The following SLC4A10 variants were observed in gnomAD, a reference collection of about 807,000 sequenced individuals.
SLC4A10 encodes the protein sodium-driven chloride bicarbonate exchanger.
Under a neutral mutation model 137.7 loss-of-function variants are expected in SLC4A10, and 42 were observed. The observed-to-expected ratio is 0.30, with a 90% CI of 0.24 to 0.39. The LOEUF (loss-of-function observed/expected upper bound fraction) is 0.39. SLC4A10 is among the 10% of genes least tolerant of loss of function. SLC4A10 has a pLI of 1.00. For missense variants in SLC4A10, 925 were observed against 1,355.0 expected (o/e 0.68, Z 4.98); for synonymous variants, 474 against 464.1 (o/e 1.02, Z -0.27).
intron 1 of SLC4A10, among the ~76,000 whole-genome samples, chr2:161,697,035 T>C (rs1438806577): frequency 8.5e-5 from 13 of 152,368 alleles, no homozygotes; most frequent in Non-Finnish European, 1.6e-4. Context: ...GTGGTTTTGA[T>C]GTGCATTTCT....
chr2:161,695,040 T>A lies in SLC4A10; in HGVS notation c.48+70474T>A, dbSNP rs572288674. ...TGAAATTGTAACTAAGCAAAAATAT[T>A]TGTATATGTAAATATGATGTAGTAA... On this transcript the variant is annotated intron_variant, in intron 1 of 26. Transcript: ENST00000446997. 2.6e-5 allele frequency among the ~76,000 whole-genome samples: 4 copies of A among 152,146 alleles called. No homozygotes were observed. The South Asian group carries it at 8.3e-4, about 32-fold the overall frequency.
At chr2:161,942,067 A>G (rs576586214) in intron 15 of SLC4A10, among the ~76,000 whole-genome samples, 9 of 152,306 alleles carry the variant, frequency 5.9e-5, no homozygotes, top group East Asian at 5.8e-4. Context: ...CAGACCAAGT[A>G]GAAACTATAC....
At chr2:161,769,036 A>G (rs903603259) in intron 1 of SLC4A10, among the ~76,000 whole-genome samples, 31 of 152,068 alleles carry the variant, frequency 2.0e-4, no homozygotes, top group African/African-American at 7.0e-4. Flanking sequence ...CTAACATTTC[A>G]GTTTTCCTAA....
intron 15 of SLC4A10, among the ~76,000 whole-genome samples, chr2:161,919,142 A>G (rs906351757): frequency 1.3e-5 from 2 of 151,622 alleles, no homozygotes; most frequent in African/African-American, 4.9e-5. Flanking sequence ...ATGACACACC[A>G]GCCCCCTGCC....
intron 1 of SLC4A10, among the ~76,000 whole-genome samples, chr2:161,686,813 C>T (rs1158343492): frequency 6.6e-6 from 1 of 151,746 alleles, no homozygotes; most frequent in African/African-American, 2.4e-5. Context: ...AATGGTTAGT[C>T]CGTAGGCAGA....
chr2:161,690,615 A>G (rs1445212474), intron 1 of SLC4A10, among the ~76,000 whole-genome samples: 1 of 152,204 alleles, frequency 6.6e-6, no homozygotes, highest in African/African-American at 2.4e-5. Flanking sequence ...ATATAGCCAT[A>G]AAAAGGAATG....
intron 1 of SLC4A10, among the ~76,000 whole-genome samples, chr2:161,714,546 A>C (rs2125079323): frequency 6.6e-6 from 1 of 152,042 alleles, no homozygotes; most frequent in East Asian, 1.9e-4. Flanking sequence ...GTTCCAGTGA[A>C]GCATATTATG....
intron 15 of SLC4A10, among the ~76,000 whole-genome samples, chr2:161,913,388 T>C (rs1162685555): frequency 6.6e-6 from 1 of 152,138 alleles, no homozygotes; most frequent in Non-Finnish European, 1.5e-5. Context: ...ATATCCTTAA[T>C]AACCATTCTA....
At chr2:161,640,118 T>TTATTTATTTCAGTAAGGACTCAAAGG (rs2035063954) in intron 1 of SLC4A10, among the ~76,000 whole-genome samples, 1 of 152,176 alleles carries the variant, frequency 6.6e-6, no homozygotes, top group African/African-American at 2.4e-5. Context: ...ATTCAATTAT[T>TTATTTATTTCAGTAAGGACTCAAAGG]TATTTATTTC....
rs543642407 is a variant in SLC4A10 at position 161,880,456 on chromosome 2, C to T, written c.1106+1168C>T. ...TTTTTAAGAGCTCAGCTGACTGGAA[C>T]GGGATTCAGTGGTTAAGTACCTATG... On this transcript the variant is annotated intron_variant, in intron 9 of 26. Transcript: ENST00000446997. Among the ~76,000 whole-genome samples, 472 of 152,168 alleles carry T rather than the reference C, an allele frequency of 3.1e-3. 2 individuals are homozygous for T. Among genetic ancestry groups the T allele is most frequent in the Non-Finnish European group, 5.0e-3 (343 of 67,982 alleles).
chr2:161,958,180 T>A (rs1696000765), intron 20 of SLC4A10, among the ~76,000 whole-genome samples: 1 of 152,280 alleles, frequency 6.6e-6, no homozygotes, highest in East Asian at 1.9e-4. Flanking sequence ...AATAATAATA[T>A]TATTGTTCAT....
chr2:161,930,150 G>T (rs1690063679), intron 15 of SLC4A10, among the ~76,000 whole-genome samples: 1 of 152,100 alleles, frequency 6.6e-6, no homozygotes, highest in Non-Finnish European at 1.5e-5. Context: ...CTGGAAATAA[G>T]GTAATATTAA....
At chr2:161,688,785 G>T (rs1216585904) in intron 1 of SLC4A10, among the ~76,000 whole-genome samples, 1 of 152,112 alleles carries the variant, frequency 6.6e-6, no homozygotes, top group Non-Finnish European at 1.5e-5. Flanking sequence ...TCCTACCACA[G>T]ATTATCGATT....
chr2:161,774,986 A>G (rs2125440793), intron 2 of SLC4A10, among the ~76,000 whole-genome samples: 1 of 152,012 alleles, frequency 6.6e-6, no homozygotes, highest in East Asian at 1.9e-4. Flanking sequence ...TTGTGGAGTT[A>G]AGAACTATTG....
chr2:161,676,124 T>A (rs2040250771), intron 1 of SLC4A10, among the ~76,000 whole-genome samples: 1 of 152,206 alleles, frequency 6.6e-6, no homozygotes, highest in African/African-American at 2.4e-5. Context: ...GTATGCCTTG[T>A]ATACTTACGT....
At chr2:161,911,861 A>C (rs1685938603) in intron 15 of SLC4A10, among the ~76,000 whole-genome samples, 1 of 152,130 alleles carries the variant, frequency 6.6e-6, no homozygotes, top group Non-Finnish European at 1.5e-5. Context: ...AGATTAAAAT[A>C]AATATAATAG....
intron 1 of SLC4A10, among the ~76,000 whole-genome samples, chr2:161,635,277 A>T (rs970152912): frequency 2.6e-5 from 4 of 152,188 alleles, no homozygotes; most frequent in African/African-American, 9.6e-5. Context: ...CCCTTGTTTG[A>T]TGAGAGGAAT....
At chr2:161,947,775 A>G (rs758739335) in intron 17 of SLC4A10, 48 bp downstream of exon 17, 4 of 1,570,314 alleles carry the variant, frequency 2.5e-6, no homozygotes, top group African/African-American at 2.7e-5. Flanking sequence ...ATAGGACAAA[A>G]GAAAGAGTAA....
intron 1 of SLC4A10, among the ~76,000 whole-genome samples, chr2:161,768,737 T>C (rs1243511634): frequency 6.6e-6 from 1 of 152,024 alleles, no homozygotes; most frequent in Non-Finnish European, 1.5e-5. Context: ...ACTATTCTGA[T>C]TACTGTTTTT....
Sources: gnomAD v4.1 joint callset for allele counts (sites outside exome capture counted in the v4.1 genomes callset) on GRCh38, gnomAD v4.1.1 for gene constraint, MANE v1.5 for transcripts, NCBI Gene and HGNC (gene_info 2026-07-23, HGNC 2026-07-21) for gene names.